Variants in CYP26B1 observed in about 807,000 individuals in gnomAD.
CYP26B1 encodes the protein cytochrome P450 26B1.
In CYP26B1, 8 loss-of-function variants were observed where a neutral mutation model predicts 39.1. That is an observed-to-expected ratio of 0.20 (90% CI 0.12 to 0.37). The LOEUF (loss-of-function observed/expected upper bound fraction) is 0.37. Ranked by LOEUF, CYP26B1 falls within the 10% of genes least tolerant of loss-of-function variation. CYP26B1 has a pLI of 1.00. For synonymous variants in CYP26B1, 321 were observed against 314.3 expected (o/e 1.02, Z -0.23); for missense variants, 615 against 707.0 (o/e 0.87, Z 1.48).
intron 1 of CYP26B1, among the ~76,000 whole-genome samples, chr2:72,144,753 C>A (rs1205460020): frequency 1.3e-5 from 2 of 152,224 alleles, no homozygotes; most frequent in Non-Finnish European, 2.9e-5. Context: ...GAGGACTCTG[C>A]AGGGCGGGGT....
chr2:72,144,435 G>T, intron 1 of CYP26B1: 1 of 1,351,750 alleles, frequency 7.4e-7, no homozygotes, highest in East Asian at 2.7e-5. Context: ...GAGGCCCAGG[G>T]GCACCCCCAG....
At chr2:72,145,835 G>A (rs1344161616) in intron 1 of CYP26B1, among the ~76,000 whole-genome samples, 3 of 152,148 alleles carry the variant, frequency 2.0e-5, no homozygotes, top group African/African-American at 4.8e-5. Context: ...CGCTCGGGCC[G>A]CGAGTCCAAT....
chr2:72,133,763 CAGG>C (rs1367863135), intron 4 of CYP26B1, among the ~76,000 whole-genome samples: 2 of 152,188 alleles, frequency 1.3e-5, no homozygotes, highest in Admixed American at 6.5e-5. Context: ...TCCTCCATCG[CAGG>C]AGGAGGACAT....
chr2:72,132,641 G>A (rs2104035056), intron 5 of CYP26B1, 22 bp from the exon 6 acceptor site: 3 of 1,579,322 alleles, frequency 1.9e-6, no homozygotes, highest in Non-Finnish European at 2.6e-6. Context: ...TGGGGGCCGA[G>A]GAGTGGGTGG....
rs1363977757 is a variant in CYP26B1, at chr2:72,147,330, G to A, written c.204+301C>T. On this transcript the variant is annotated intron_variant, in intron 1 of 5. Transcript: ENST00000001146. The surrounding 1 kb of genome is among the most constrained non-coding windows in gnomAD (Gnocchi z 6.1). ...ACCGCGCCTCGCTAGGCGCCCCCGG[G>A]GCGCTCCACGCCCCCTGCCAGGCCA... Among the ~76,000 whole-genome samples the A allele has an allele frequency of 6.6e-6, 1 of 152,168 alleles. No individual in the cohort carries two copies. The highest frequency in any genetic ancestry group is 1.9e-4 in the East Asian group (1 of 5,158).
At chr2:72,146,949 C>T (rs928297011) in intron 1 of CYP26B1, among the ~76,000 whole-genome samples, 2 of 152,194 alleles carry the variant, frequency 1.3e-5, no homozygotes, top group African/African-American at 4.8e-5. Flanking sequence ...ACACTCACCT[C>T]TCCCAAGTTT....
At position 72,144,146 on chromosome 2, in the gene CYP26B1, C is replaced by T. The variant is rs1270302167; in HGVS notation, c.272G>A (p.Arg91Gln). 1.2e-6 allele frequency: 2 copies of T among 1,611,176 alleles called. No individual in the cohort carries two copies. Among genetic ancestry groups the T allele is most frequent in the Admixed American group, 1.7e-5 (1 of 59,982 alleles). Reference sequence around the variant, plus strand: ...CGCGCCGGTCACGCGTATCAGCGGCCGCCCCAACAAATGCGTCTTGAACAC... The same window carrying T: ...CGCGCCGGTCACGCGTATCAGCGGCTGCCCCAACAAATGCGTCTTGAACAC... Reference protein sequence around the residue: ...GNVFKTHLLGRPLIRVTGAEN... With the variant: ...GNVFKTHLLGQPLIRVTGAEN... The change falls in exon 2 of 6, where the codon CGG becomes CAG. Residue 91 changes from arginine (R) to glutamine (Q), a missense_variant. By Grantham distance (43) the Arg-to-Gln change is conservative. Transcript: ENST00000001146.
At chr2:72,133,438 G>A in intron 4 of CYP26B1, 131 bp from the exon 5 acceptor site, 3 of 1,198,018 alleles carry the variant, frequency 2.5e-6, no homozygotes, top group Non-Finnish European at 3.6e-6. Context: ...AGTGAATTCT[G>A]CTTCCTCTGA....
chr2:72,133,067 T>C lies in CYP26B1; in HGVS notation c.1102A>G (p.Ile368Val). Residue 368 changes from isoleucine to valine, a missense_variant, in exon 5 of 6, where the codon ATT becomes GTT. Coordinates refer to ENST00000001146, the MANE Select transcript of CYP26B1 (RefSeq NM_019885.4). The stretch of plus-strand genomic sequence containing the variant: ...AGCACAGTGCGGTAGCCGCCGGAAA[T>C]GGGCGTGAACAGGCGCATGACCTCC... ...IKEVMRLFTPISGGYRTVLQT... is the reference protein window; with the variant it reads ...IKEVMRLFTPVSGGYRTVLQT... 2 of 1,613,230 alleles carry C rather than the reference T, an allele frequency of 1.2e-6. No individual in the cohort carries two copies. The highest frequency in any genetic ancestry group is 8.5e-7 in the Non-Finnish European group (1 of 1,179,986).
rs750777305 is a variant in CYP26B1 at position 72,144,124 on chromosome 2, G to GGAT, written c.293_294insATC (p.Gly98_Ala99insSer). 6.2e-7 allele frequency: 1 copy of GGAT among 1,611,692 alleles called. No homozygotes were observed. Among genetic ancestry groups the GGAT allele is most frequent in the Non-Finnish European group, 8.5e-7 (1 of 1,178,026 alleles). ...TGAGGATCTTGCGCACGTTCTCCGC[G>GGAT]CCGGTCACGCGTATCAGCGGCCGCC... is the stretch of plus-strand genomic sequence containing the variant. On this transcript the variant is annotated inframe_insertion, in exon 2 of 6. Transcript: ENST00000001146.
chr2:72,134,659 A>T, intron 4 of CYP26B1, 102 bp downstream of exon 4: 1 of 1,519,484 alleles, frequency 6.6e-7, no homozygotes, highest in Non-Finnish European at 8.9e-7. Context: ...GTGGGGCCAG[A>T]CTACAGGGGG....
chr2:72,144,571 A>G, intron 1 of CYP26B1: 1 of 881,878 alleles, frequency 1.1e-6, no homozygotes, highest in Non-Finnish European at 1.3e-6. Flanking sequence ...GCCTCTCGGA[A>G]TAAATATTTC....
intron 2 of CYP26B1, among the ~76,000 whole-genome samples, chr2:72,141,204 C>T (rs568345440): frequency 3.9e-5 from 6 of 152,312 alleles, no homozygotes; most frequent in Admixed American, 3.9e-4. Context: ...ATCAGATACA[C>T]CCCAGGCCCT....
chr2:72,144,966 G>T (rs535866165), intron 1 of CYP26B1, among the ~76,000 whole-genome samples: 10 of 152,278 alleles, frequency 6.6e-5, no homozygotes, highest in South Asian at 2.1e-4. Context: ...CTCTCGAAAC[G>T]GCTGGCGGAG....
intron 2 of CYP26B1, 54 bp from the exon 3 acceptor site, chr2:72,135,473 C>G (rs1031870480): frequency 6.3e-6 from 10 of 1,597,078 alleles, no homozygotes; most frequent in East Asian, 2.2e-5. Context: ...CACCCCTGGC[C>G]AGCCCCTCAC....
intron 2 of CYP26B1, among the ~76,000 whole-genome samples, chr2:72,141,553 G>A (rs919814372): frequency 1.3e-5 from 2 of 152,186 alleles, no homozygotes; most frequent in African/African-American, 4.8e-5. Flanking sequence ...CTCCTAACCA[G>A]GCCAGTCCTG....
chr2:72,144,989 G>T (rs1004678145), intron 1 of CYP26B1, among the ~76,000 whole-genome samples: 1 of 152,142 alleles, frequency 6.6e-6, no homozygotes, highest in African/African-American at 2.4e-5. Flanking sequence ...GGCCGGGCGC[G>T]GGTACCGGAA....
At position 72,132,630 on chromosome 2, in the gene CYP26B1, A is replaced by T; in HGVS notation, c.1147-11T>A. The T allele has an allele frequency of 6.3e-7, 1 of 1,590,280 alleles. No homozygotes were observed. The highest frequency in any genetic ancestry group is 1.1e-5 in the South Asian group (1 of 87,878). On this transcript the variant is annotated splice_polypyrimidine_tract_variant and intron_variant, in intron 5 of 5. Coordinates refer to ENST00000001146, the MANE Select transcript of CYP26B1 (RefSeq NM_019885.4). The stretch of plus-strand genomic sequence containing the variant: ...GGGGATCTGGAAACCCTGGAGCAAG[A>T]TGGGGGCCGAGGAGTGGGTGGTGAG...
intron 4 of CYP26B1, among the ~76,000 whole-genome samples, chr2:72,133,611 C>T (rs1279154470): frequency 1.3e-5 from 2 of 152,346 alleles, no homozygotes; most frequent in East Asian, 1.9e-4. Flanking sequence ...CTGGGCCAGC[C>T]CCACAGGCCT....
Sources: allele counts gnomAD v4.1 joint callset (sites outside exome capture counted in the v4.1 genomes callset), GRCh38; gene constraint gnomAD v4.1.1; non-coding constraint Gnocchi (gnomAD v3.1); transcripts MANE v1.5; gene names NCBI Gene and HGNC (gene_info 2026-07-23, HGNC 2026-07-21).